The following LAMB1 variants were observed in gnomAD, a reference collection of about 807,000 sequenced individuals.
The protein encoded by LAMB1 is laminin subunit beta-1.
In LAMB1, 121 loss-of-function variants were observed where a neutral mutation model predicts 222.3. The ratio of observed to expected loss-of-function variants is 0.54; its 90% CI spans 0.47 to 0.63. The LOEUF (loss-of-function observed/expected upper bound fraction) is 0.63. LAMB1 is among the 30% of genes least tolerant of loss of function. The pLI is 0.00. For missense variants in LAMB1, 2,172 were observed against 2,240.8 expected (o/e 0.97, Z 0.62); for synonymous variants, 794 against 807.2 (o/e 0.98, Z 0.28).
At chr7:107,926,752 C>T (rs922227244) in intron 31 of LAMB1, among the ~76,000 whole-genome samples, 2 of 152,166 alleles carry the variant, frequency 1.3e-5, no homozygotes, top group African/African-American at 4.8e-5. Flanking sequence ...ACATAAATTT[C>T]CAACTTAATG....
chr7:107,976,832 CCT>C (rs918830045), intron 9 of LAMB1, among the ~76,000 whole-genome samples: 1 of 150,368 alleles, frequency 6.7e-6, no homozygotes, highest in African/African-American at 2.5e-5. Context: ...CCTTTTCTTT[CCT>C]CTCTCTCCTT....
At chr7:107,954,492 G>A (rs1407611160) in intron 21 of LAMB1, among the ~76,000 whole-genome samples, 2 of 152,000 alleles carry the variant, frequency 1.3e-5, no homozygotes, top group African/African-American at 4.8e-5. Flanking sequence ...TACAGAAAGT[G>A]GGCTGGGCGC....
At chr7:107,929,020 T>C in intron 31 of LAMB1, 44 bp downstream of exon 31, 2 of 1,577,328 alleles carry the variant, frequency 1.3e-6, no homozygotes, top group Non-Finnish European at 1.7e-6. Context: ...GGTAAGTGTA[T>C]ATGTAGGTGT....
At chr7:107,953,845 C>G in intron 21 of LAMB1, 91 bp from the exon 22 acceptor site, 1 of 1,090,508 alleles carries the variant, frequency 9.2e-7, no homozygotes, top group East Asian at 2.4e-5. Context: ...GAGAGCTGAT[C>G]GTGGCGGTGC....
At position 107,959,297 on chromosome 7, in the gene LAMB1, C is replaced by G. The variant is rs2033442153; in HGVS notation, c.2642G>C (p.Gly881Ala). The G allele has an allele frequency of 6.2e-7, 1 of 1,614,222 alleles. No individual in the cohort carries two copies. Among genetic ancestry groups the G allele is most frequent in the Admixed American group, 1.7e-5 (1 of 60,024 alleles). Residue 881 changes from glycine (G) to alanine (A), a missense_variant, in exon 20 of 34, where the codon GGG becomes GCG. Gly to Ala is a moderately conservative substitution (Grantham distance 60). Coordinates refer to ENST00000222399, the MANE Select transcript of LAMB1 (RefSeq NM_002291.3). ...GHADDCDPVT[G>A]ECLNCQDYTM... ...GTAGTCCTGGCAGTTCAAGCACTCC[C>G]CAGTCACTGGGTCGCAGTCATCGGC...
At position 107,955,578 on chromosome 7, in the gene LAMB1, G is replaced by A. The variant is rs745741181; in HGVS notation, c.2743C>T (p.Arg915Cys). ...DPIIGSGDHC[R>C]PCPCPDGPDS... ...GGACCATCTGGGCAAGGGCAAGGGC[G>A]GCAGTGATCTCCTGACCCAATGATG... is the stretch of plus-strand genomic sequence containing the variant. Residue 915 changes from arginine (R) to cysteine (C), a missense_variant, in exon 21 of 34, where the codon CGC (arginine) becomes TGC (cysteine). Physicochemically the swap from Arg to Cys is radical, Grantham distance 180. Transcript: ENST00000222399. 8.8e-5 allele frequency: 142 copies of A among 1,613,948 alleles called. 2 individuals carry two copies. Among genetic ancestry groups the A allele is most frequent in the South Asian group, 4.8e-4 (44 of 91,076 alleles).
Position 107,964,629 on chromosome 7 carries a change from T to C in LAMB1, c.1621A>G (p.Asn541Asp). ...AAGTAGTAACCAGGTTCCACTTCGT[T>C]GCACTGACGTCCAATCATGTGAGGC... Reference protein sequence around the residue: ...CRPHMIGRQCNEVEPGYYFAT... With the variant: ...CRPHMIGRQCDEVEPGYYFAT... The change falls in exon 14 of 34, where the codon AAC becomes GAC. Residue 541 changes from asparagine to aspartate, a missense_variant. Coordinates refer to ENST00000222399, the MANE Select transcript of LAMB1 (RefSeq NM_002291.3). The C allele has an allele frequency of 1.2e-6, 2 of 1,614,166 alleles. No homozygotes were observed. Among genetic ancestry groups the C allele is most frequent in the Middle Eastern group, 1.7e-4 (1 of 6,060 alleles).
At chr7:107,931,655 C>T in intron 28 of LAMB1, 155 bp from the exon 29 acceptor site, 1 of 685,638 alleles carries the variant, frequency 1.5e-6, no homozygotes, top group South Asian at 1.7e-5. Flanking sequence ...AGTATTGTAT[C>T]TTACAGACTG....
intron 29 of LAMB1, 27 bp downstream of exon 29, chr7:107,931,329 T>C (rs745802303): frequency 3.1e-5 from 49 of 1,599,312 alleles, no homozygotes; most frequent in Non-Finnish European, 4.2e-5. Context: ...AACAAATGTC[T>C]AAAAGTAAAA....
chr7:107,960,967 T>G (rs2033484800), intron 17 of LAMB1, among the ~76,000 whole-genome samples: 1 of 152,230 alleles, frequency 6.6e-6, no homozygotes, highest in African/African-American at 2.4e-5. Context: ...GTGTTGGGAT[T>G]ACAGGTGTGA....
intron 24 of LAMB1, 139 bp downstream of exon 24, chr7:107,951,087 T>C: frequency 1.6e-6 from 1 of 630,956 alleles, no homozygotes; most frequent in Non-Finnish European, 2.8e-6. Flanking sequence ...CAATCAGTGT[T>C]AATTTATTTT....
chr7:107,976,236 T>A (rs949305793), intron 9 of LAMB1, among the ~76,000 whole-genome samples: 11 of 152,280 alleles, frequency 7.2e-5, no homozygotes, highest in South Asian at 2.1e-4. Context: ...TGGGACTGGA[T>A]GGAAGAACAC....
rs569770855 is a variant in LAMB1 at position 107,964,020 on chromosome 7, C to T, written c.1698+532G>A. Reference sequence around the variant, plus strand: ...GCTGAAGCAGGAGAATCGCTTCAACCCAGCAGGCGGAGGTTGTGGTGAGCT... The same window carrying T: ...GCTGAAGCAGGAGAATCGCTTCAACTCAGCAGGCGGAGGTTGTGGTGAGCT... On this transcript the variant is annotated intron_variant, in intron 14 of 33. Coordinates refer to ENST00000222399, the MANE Select transcript of LAMB1 (RefSeq NM_002291.3). Among the ~76,000 whole-genome samples the T allele has an allele frequency of 7.9e-5, 12 of 152,306 alleles. No individual in the cohort carries two copies. In the South Asian group the frequency reaches 2.5e-3, roughly 32 times the overall value.
At chr7:107,962,272 G>A (rs892942987) in intron 15 of LAMB1, among the ~76,000 whole-genome samples, 3 of 152,142 alleles carry the variant, frequency 2.0e-5, no homozygotes, top group Non-Finnish European at 4.4e-5. Context: ...TCAGTCTTTC[G>A]TTACAGTTCG....
chr7:107,965,472 G>A (rs1035468527), intron 13 of LAMB1, among the ~76,000 whole-genome samples: 2 of 152,116 alleles, frequency 1.3e-5, no homozygotes, highest in East Asian at 1.9e-4. Context: ...CCAGATACTT[G>A]GGAGGCTGAG....
At chr7:107,956,489 C>T (rs981721820) in intron 20 of LAMB1, among the ~76,000 whole-genome samples, 4 of 152,164 alleles carry the variant, frequency 2.6e-5, no homozygotes, top group Non-Finnish European at 4.4e-5. Context: ...TTCATCTGGC[C>T]CCTCACTCAC....
intron 4 of LAMB1, among the ~76,000 whole-genome samples, chr7:107,996,458 G>A (rs1247770191): frequency 5.9e-5 from 9 of 152,222 alleles, no homozygotes; most frequent in East Asian, 1.9e-4. Flanking sequence ...ATTTAGCCCC[G>A]CCACGTATAA....
At chr7:107,952,304 A>G in intron 22 of LAMB1, 81 bp from the exon 23 acceptor site, 1 of 1,024,034 alleles carries the variant, frequency 9.8e-7, no homozygotes, top group Non-Finnish European at 1.4e-6. Context: ...CTAAATGCTA[A>G]GATGTTCCCA....
At chr7:107,933,462 G>A (rs1244866020) in intron 27 of LAMB1, among the ~76,000 whole-genome samples, 4 of 151,686 alleles carry the variant, frequency 2.6e-5, no homozygotes, top group Non-Finnish European at 5.9e-5. Context: ...AAAACAAAAA[G>A]CTTCAGAAAA....
Sources: allele counts gnomAD v4.1 joint callset (sites outside exome capture counted in the v4.1 genomes callset), GRCh38; gene constraint gnomAD v4.1.1; transcripts MANE v1.5; gene names NCBI Gene and HGNC (gene_info 2026-07-23, HGNC 2026-07-21).